Variants in TBC1D22A observed in about 807,000 individuals in gnomAD.
TBC1D22A encodes TBC1 domain family member 22A.
A neutral mutation model predicts 60.2 loss-of-function variants in TBC1D22A; 38 were observed. The observed-to-expected ratio is 0.63, with a 90% confidence interval of 0.49 to 0.83. TBC1D22A has a LOEUF of 0.83. Among genes scored for constraint, TBC1D22A ranks in the 40% least tolerant of loss-of-function variants. TBC1D22A has a pLI of 0.00. For synonymous variants in TBC1D22A, 302 were observed against 281.7 expected (o/e 1.07, Z -0.72); for missense variants, 628 against 701.0 (o/e 0.90, Z 1.18).
At chr22:46,790,977 C>T (rs1406570424) in intron 1 of TBC1D22A, among the ~76,000 whole-genome samples, 2 of 152,212 alleles carry the variant, frequency 1.3e-5, no homozygotes, top group Non-Finnish European at 2.9e-5. Context: ...GATTGGAGTG[C>T]AGTGGTGCAT....
chr22:46,851,460 G>A (rs1223599264), intron 4 of TBC1D22A, among the ~76,000 whole-genome samples: 2 of 152,238 alleles, frequency 1.3e-5, no homozygotes, highest in Non-Finnish European at 2.9e-5. Context: ...GCCTGTGCCC[G>A]AGAGCCTGCT....
intron 10 of TBC1D22A, among the ~76,000 whole-genome samples, chr22:47,005,017 C>G (rs1040568338): frequency 3.3e-5 from 5 of 151,716 alleles, no homozygotes; most frequent in African/African-American, 1.2e-4. Flanking sequence ...ACACACATCC[C>G]TATACATATA....
chr22:46,832,360 G>A (rs1267397087), intron 4 of TBC1D22A, among the ~76,000 whole-genome samples: 3 of 152,228 alleles, frequency 2.0e-5, no homozygotes, highest in Non-Finnish European at 2.9e-5. Context: ...TTTAAAATAT[G>A]TTGGCTGGGG....
chr22:47,074,812 G>A (rs2064136437), intron 11 of TBC1D22A, among the ~76,000 whole-genome samples: 3 of 152,284 alleles, frequency 2.0e-5, no homozygotes, highest in South Asian at 2.1e-4. Flanking sequence ...TCTGCACACC[G>A]CAGCCTGGCT....
intron 12 of TBC1D22A, among the ~76,000 whole-genome samples, chr22:47,159,117 TAC>T (rs142328279): frequency 7.0e-5 from 10 of 142,348 alleles, no homozygotes; most frequent in South Asian, 4.5e-4. Flanking sequence ...TCACCATATA[TAC>T]ACACACACAC....
chr22:46,796,154 A>T (rs1344955832), intron 3 of TBC1D22A, among the ~76,000 whole-genome samples: 1 of 150,292 alleles, frequency 6.7e-6, no homozygotes, highest in Non-Finnish European at 1.5e-5. Flanking sequence ...GGTTGGGGGG[A>T]GTCAGGGAGA....
At position 47,122,012 on chromosome 22, in the gene TBC1D22A, T is replaced by G. The variant is rs112329601; in HGVS notation, c.1425+10409T>G. ...CAGATGTCCCCTCAGCTCGCTGACATGCACATGTGCAAACACATCACTCAA... is the reference window on the plus strand; with the variant it reads ...CAGATGTCCCCTCAGCTCGCTGACAGGCACATGTGCAAACACATCACTCAA... On this transcript the variant is annotated intron_variant, in intron 12 of 12. Transcript: ENST00000337137. 2.8e-4 allele frequency among the ~76,000 whole-genome samples: 42 copies of G among 152,340 alleles called. 1 individual carries two copies. Among genetic ancestry groups the G allele is most frequent in the Admixed American group, 2.3e-3 (35 of 15,302 alleles).
intron 1 of TBC1D22A, among the ~76,000 whole-genome samples, chr22:46,785,306 C>T (rs2084111698): frequency 6.6e-6 from 1 of 152,172 alleles, no homozygotes; most frequent in South Asian, 2.1e-4. Flanking sequence ...GTAATGTGTA[C>T]ATATGGGAGA....
intron 12 of TBC1D22A, among the ~76,000 whole-genome samples, chr22:47,156,550 A>T (rs2059549488): frequency 6.6e-6 from 1 of 152,078 alleles, no homozygotes; most frequent in Non-Finnish European, 1.5e-5. Context: ...GCCGGAGTGA[A>T]CACCAGGATG....
chr22:46,844,310 C>G (rs1315189783), intron 4 of TBC1D22A, among the ~76,000 whole-genome samples: 1 of 152,062 alleles, frequency 6.6e-6, no homozygotes, highest in Non-Finnish European at 1.5e-5. Flanking sequence ...CCACTGCGTG[C>G]TGCTTCCTTC....
Position 46,974,289 on chromosome 22 carries a change from G to A in TBC1D22A, c.1016-1G>A, listed in dbSNP as rs1267989018. ...TCTTTTGCATGCTCGGCGCCGCCCA[G>A]AGGCAGAGGAGGTGGACACGGTGGA... On this transcript the variant is annotated splice_acceptor_variant, in intron 8 of 12. Transcript: ENST00000337137. LOFTEE classifies it high-confidence loss of function. 4 of 1,591,312 alleles carry A rather than the reference G, an allele frequency of 2.5e-6. No homozygotes were observed. The highest frequency in any genetic ancestry group is 3.4e-6 in the Non-Finnish European group (4 of 1,169,234).
At chr22:46,987,621 AAG>A (rs1445116487) in intron 9 of TBC1D22A, among the ~76,000 whole-genome samples, 7 of 152,234 alleles carry the variant, frequency 4.6e-5, no homozygotes, top group African/African-American at 1.7e-4. Flanking sequence ...TGTATCTAAA[AAG>A]TGTACATACC....
rs183716069 is a variant in TBC1D22A, at chr22:47,155,326, C to T, written c.1426-18172C>T. On this transcript the variant is annotated intron_variant, in intron 12 of 12. Transcript: ENST00000337137. The stretch of plus-strand genomic sequence containing the variant: ...CACCTTCCCAGGGCTGTCCTCCCGG[C>T]GGGCTGGCCAGCTCTGGCAGCTGCC... Among the ~76,000 whole-genome samples, 13 of 152,314 alleles carry T rather than the reference C, an allele frequency of 8.5e-5. No homozygotes were observed. The South Asian group carries it at 1.7e-3, about 19-fold the overall frequency.
At chr22:46,852,677 C>T (rs1187345447) in intron 4 of TBC1D22A, among the ~76,000 whole-genome samples, 1 of 152,182 alleles carries the variant, frequency 6.6e-6, no homozygotes, top group African/African-American at 2.4e-5. Context: ...AGTGCCCAGC[C>T]TTTTCCTCAC....
chr22:46,965,582 G>A (rs2073762489), intron 8 of TBC1D22A, among the ~76,000 whole-genome samples: 1 of 152,258 alleles, frequency 6.6e-6, no homozygotes, highest in East Asian at 1.9e-4. Flanking sequence ...CAGAGGGTCT[G>A]TTTCTTGTTA....
At chr22:46,766,360 A>ACC (rs2083287451) in intron 1 of TBC1D22A, among the ~76,000 whole-genome samples, 1 of 150,660 alleles carries the variant, frequency 6.6e-6, no homozygotes, top group Non-Finnish European at 1.5e-5. Context: ...TGAACTCCTG[A>ACC]TCATGTGATC....
At chr22:46,767,481 G>A (rs947457754) in intron 1 of TBC1D22A, among the ~76,000 whole-genome samples, 2 of 152,222 alleles carry the variant, frequency 1.3e-5, no homozygotes, top group African/African-American at 4.8e-5. Flanking sequence ...GTATGTGTTA[G>A]GAACAGCCCC....
At chr22:47,001,156 A>G (rs2061394574) in intron 10 of TBC1D22A, among the ~76,000 whole-genome samples, 1 of 152,176 alleles carries the variant, frequency 6.6e-6, no homozygotes, top group Non-Finnish European at 1.5e-5. Flanking sequence ...CATAAAATCT[A>G]GGTTCCAACC....
At chr22:46,801,403 T>A (rs961365613) in intron 4 of TBC1D22A, among the ~76,000 whole-genome samples, 4 of 152,274 alleles carry the variant, frequency 2.6e-5, no homozygotes, top group Admixed American at 2.6e-4. Context: ...GTCTACCTGC[T>A]GAATATCATT....
Sources: gnomAD v4.1 joint callset for allele counts (sites outside exome capture counted in the v4.1 genomes callset) on GRCh38, gnomAD v4.1.1 for gene constraint, MANE v1.5 for transcripts, NCBI Gene and HGNC (gene_info 2026-07-23, HGNC 2026-07-21) for gene names.